Variants in PDE1A observed in about 807,000 individuals in gnomAD.
PDE1A encodes the protein phosphodiesterase 1A.
Under a neutral mutation model 61.7 loss-of-function variants are expected in PDE1A, and 35 were observed. The ratio of observed to expected loss-of-function variants is 0.57; its 90% confidence interval spans 0.43 to 0.75. The LOEUF (loss-of-function observed/expected upper bound fraction) is 0.75. Ranked by LOEUF, PDE1A falls within the 30% of genes least tolerant of loss-of-function variation. The probability of loss-of-function intolerance (pLI) is 0.00; values close to 1 mark genes in which losing one functional copy is unlikely to be tolerated. For missense variants in PDE1A, 597 were observed against 630.6 expected (o/e 0.95, Z 0.57); for synonymous variants, 232 against 213.2 (o/e 1.09, Z -0.77).
intron 1 of PDE1A, among the ~76,000 whole-genome samples, chr2:182,394,176 C>T (rs754092704): frequency 3.9e-5 from 6 of 152,108 alleles, no homozygotes; most frequent in Non-Finnish European, 8.8e-5. Context: ...TACCCCAAAA[C>T]TGGATAATTT....
At chr2:182,219,331 T>C (rs1475876042) in intron 7 of PDE1A, among the ~76,000 whole-genome samples, 2 of 152,126 alleles carry the variant, frequency 1.3e-5, no homozygotes, top group Non-Finnish European at 2.9e-5. Flanking sequence ...GTTGCATTGA[T>C]GAATTTGGTA....
chr2:182,480,780 C>T (rs1277987548), intron 2 of PDE1A, among the ~76,000 whole-genome samples: 1 of 151,822 alleles, frequency 6.6e-6, no homozygotes, highest in Non-Finnish European at 1.5e-5. Flanking sequence ...CACACATGTG[C>T]ATGTACATAC....
At chr2:182,391,525 C>T (rs1701419779) in intron 1 of PDE1A, among the ~76,000 whole-genome samples, 1 of 152,186 alleles carries the variant, frequency 6.6e-6, no homozygotes, top group Non-Finnish European at 1.5e-5. Flanking sequence ...AGAAGACATA[C>T]CCTTCACCAA....
intron 8 of PDE1A, among the ~76,000 whole-genome samples, chr2:182,204,690 A>G (rs1462440682): frequency 6.6e-6 from 1 of 152,230 alleles, no homozygotes; most frequent in Non-Finnish European, 1.5e-5. Context: ...CAACTTTTAT[A>G]TTATTGGTAA....
chr2:182,280,475 T>C (rs534383651), intron 1 of PDE1A, among the ~76,000 whole-genome samples: 8 of 152,054 alleles, frequency 5.3e-5, no homozygotes, highest in African/African-American at 1.9e-4. Flanking sequence ...GTGACATAAA[T>C]CACTGAGTTT....
the PDE1A span, among the ~76,000 whole-genome samples, chr2:182,548,542 CAG>C: frequency 3.9e-5 from 6 of 152,282 alleles, no homozygotes; most frequent in East Asian, 1.2e-3. Context: ...AAAACACACA[CAG>C]ACCAAGGAGA....
chr2:182,462,314 A>G (rs1686355493), intron 2 of PDE1A, among the ~76,000 whole-genome samples: 1 of 151,452 alleles, frequency 6.6e-6, no homozygotes, highest in African/African-American at 2.4e-5. Context: ...TAAAAAAAAG[A>G]ATAGACATAT....
chr2:182,367,412 T>G (rs966774564), intron 1 of PDE1A, among the ~76,000 whole-genome samples: 1 of 152,022 alleles, frequency 6.6e-6, no homozygotes. Context: ...ACCTTTTATC[T>G]TCATATGTTT....
At chr2:182,312,175 T>C (rs1302485669) in intron 1 of PDE1A, among the ~76,000 whole-genome samples, 1 of 152,136 alleles carries the variant, frequency 6.6e-6, no homozygotes, top group Non-Finnish European at 1.5e-5. Flanking sequence ...TTGAGAGTTC[T>C]TTATATATTC....
intron 1 of PDE1A, among the ~76,000 whole-genome samples, chr2:182,265,617 G>T (rs1031834323): frequency 1.4e-4 from 21 of 152,062 alleles, no homozygotes; most frequent in Non-Finnish European, 2.8e-4. Flanking sequence ...TAAGCCCCAA[G>T]CCTTGAGATA....
intron 13 of PDE1A, among the ~76,000 whole-genome samples, chr2:182,183,417 T>G (rs1684932922): frequency 6.6e-6 from 1 of 152,176 alleles, no homozygotes; most frequent in Non-Finnish European, 1.5e-5. Flanking sequence ...TCCATCTTCC[T>G]CTCCAACTCT....
At chr2:182,368,602 A>T (rs990351920) in intron 1 of PDE1A, among the ~76,000 whole-genome samples, 4 of 152,024 alleles carry the variant, frequency 2.6e-5, no homozygotes, top group Admixed American at 6.6e-5. Flanking sequence ...ATCAGTAAAT[A>T]ATAAACTTAG....
chr2:182,292,033 T>C (rs1185005074), intron 1 of PDE1A, among the ~76,000 whole-genome samples: 1 of 152,046 alleles, frequency 6.6e-6, no homozygotes, highest in African/African-American at 2.4e-5. Context: ...AAAAGAAGAC[T>C]AGTAGTATAG....
At chr2:182,381,016 T>G (rs144577084) in intron 1 of PDE1A, among the ~76,000 whole-genome samples, 1 of 152,138 alleles carries the variant, frequency 6.6e-6, no homozygotes, top group African/African-American at 2.4e-5. Context: ...GATGTGATGG[T>G]TGTATTTGAG....
intron 1 of PDE1A, among the ~76,000 whole-genome samples, chr2:182,337,106 A>G (rs1325845338): frequency 6.6e-6 from 1 of 152,220 alleles, no homozygotes; most frequent in Admixed American, 6.5e-5. Context: ...AGTAAATGGT[A>G]AATACATGTT....
intron 2 of PDE1A, among the ~76,000 whole-genome samples, chr2:182,432,192 G>T (rs574167554): frequency 1.3e-5 from 2 of 152,078 alleles, no homozygotes; most frequent in African/African-American, 4.8e-5. Context: ...ATCCTTTCCA[G>T]CTCTAAAATT....
At chr2:182,573,646 G>A in the PDE1A span, among the ~76,000 whole-genome samples, 5 of 151,802 alleles carry the variant, frequency 3.3e-5, no homozygotes, top group Admixed American at 6.6e-5. Flanking sequence ...TTAGCAAATC[G>A]TTAGTAATTT....
chr2:182,259,602 T>C (rs1312160170), intron 2 of PDE1A, among the ~76,000 whole-genome samples: 3 of 152,230 alleles, frequency 2.0e-5, no homozygotes, highest in African/African-American at 7.2e-5. Flanking sequence ...GTAAAGTAAC[T>C]TCCTTAAAGA....
the PDE1A span, among the ~76,000 whole-genome samples, chr2:182,626,490 A>C: frequency 1.3e-5 from 2 of 151,614 alleles, no homozygotes; most frequent in South Asian, 4.1e-4. Context: ...TTTCAAACAC[A>C]TGTTGAACAT....
Sources: gnomAD v4.1 joint callset for allele counts (sites outside exome capture counted in the v4.1 genomes callset) on GRCh38, gnomAD v4.1.1 for gene constraint, MANE v1.5 for transcripts, NCBI Gene and HGNC (gene_info 2026-07-23, HGNC 2026-07-21) for gene names.